The following PSMB1 variants were observed in gnomAD, a reference collection of about 807,000 sequenced individuals.
PSMB1 encodes the protein proteasome 20S subunit beta 1.
A neutral mutation model predicts 25.4 loss-of-function variants in PSMB1; 7 were observed. The ratio of observed to expected loss-of-function variants is 0.28; its 90% CI spans 0.16 to 0.52. PSMB1 has a LOEUF of 0.52. Among genes scored for constraint, PSMB1 ranks in the 20% least tolerant of loss-of-function variants. The pLI is 0.97. For synonymous variants in PSMB1, 119 were observed against 115.0 expected, an observed-to-expected ratio of 1.03 and a Z score of -0.22; for missense variants, 284 against 302.2, an observed-to-expected ratio of 0.94 and a Z score of 0.45.
At chr6:170,536,512 T>A (rs1013865698) in intron 5 of PSMB1, 2 of 456,108 alleles carry the variant, frequency 4.4e-6, no homozygotes, top group Non-Finnish European at 4.4e-6. Context: ...TACTGTAGAT[T>A]GAGGTCTGCA....
intron 1 of PSMB1, among the ~76,000 whole-genome samples, chr6:170,551,207 G>A (rs763777038): frequency 2.6e-5 from 4 of 152,160 alleles, no homozygotes; most frequent in Non-Finnish European, 5.9e-5. Context: ...TGTTTTGCTA[G>A]CTGTCTTGAG....
intron 3 of PSMB1, among the ~76,000 whole-genome samples, chr6:170,544,073 G>C (rs1328802854): frequency 2.0e-5 from 3 of 152,136 alleles, no homozygotes; most frequent in Non-Finnish European, 4.4e-5. Context: ...TAGACCAGGG[G>C]TCAACAAACT....
intron 4 of PSMB1, among the ~76,000 whole-genome samples, chr6:170,539,624 G>A (rs1044721731): frequency 3.3e-5 from 5 of 152,124 alleles, no homozygotes; most frequent in Admixed American, 6.5e-5. Context: ...ATACTGGGAA[G>A]GTTATATAAA....
chr6:170,541,967 T>C (rs945640106), intron 4 of PSMB1, among the ~76,000 whole-genome samples: 3 of 152,208 alleles, frequency 2.0e-5, no homozygotes, highest in Admixed American at 1.3e-4. Flanking sequence ...TCTATTAATC[T>C]GACATTAAAG....
chr6:170,548,515 G>C (rs1320456575), intron 2 of PSMB1, among the ~76,000 whole-genome samples: 2 of 151,700 alleles, frequency 1.3e-5, no homozygotes, highest in Non-Finnish European at 2.9e-5. Context: ...AAAAAAAAAA[G>C]TGTGGGGAGG....
At chr6:170,540,933 A>G (rs993310286) in intron 4 of PSMB1, among the ~76,000 whole-genome samples, 1 of 152,106 alleles carries the variant, frequency 6.6e-6, no homozygotes, top group Non-Finnish European at 1.5e-5. Flanking sequence ...GCAGAGGGGT[A>G]GGGGAGGAGG....
At chr6:170,539,176 A>G (rs1252386704) in intron 4 of PSMB1, among the ~76,000 whole-genome samples, 2 of 152,262 alleles carry the variant, frequency 1.3e-5, no homozygotes, top group African/African-American at 4.8e-5. Flanking sequence ...AGTAAAATCC[A>G]AAAAGCACAA....
At chr6:170,550,877 C>T (rs1160451842) in intron 1 of PSMB1, among the ~76,000 whole-genome samples, 1 of 139,550 alleles carries the variant, frequency 7.2e-6, no homozygotes, top group African/African-American at 2.8e-5. Flanking sequence ...TGGCTCACAC[C>T]TGTAATCCCA....
intron 1 of PSMB1, chr6:170,549,644 A>G (rs1293777951): frequency 6.6e-6 from 1 of 152,232 alleles, no homozygotes; most frequent in Non-Finnish European, 1.5e-5. Context: ...TGGCTGTACA[A>G]TTTGACAGCT....
rs543823264 is a variant in PSMB1 at position 170,544,387 on chromosome 6, A to T, written c.304-657T>A. 2.0e-5 allele frequency among the ~76,000 whole-genome samples: 3 copies of T among 152,304 alleles called. No individual in the cohort carries two copies. In the South Asian group the frequency reaches 6.2e-4, roughly 32 times the overall value. On this transcript the variant is annotated intron_variant, in intron 3 of 5. Transcript: ENST00000262193. ...AACATCTACAGTAGAGAACACAAGCATCCAAAACAGGGTCTTAGCATGACA... is the reference window on the plus strand; with the variant it reads ...AACATCTACAGTAGAGAACACAAGCTTCCAAAACAGGGTCTTAGCATGACA...
chr6:170,548,616 T>G (rs958285028), intron 2 of PSMB1, among the ~76,000 whole-genome samples: 3 of 152,206 alleles, frequency 2.0e-5, no homozygotes, highest in African/African-American at 7.2e-5. Context: ...ATTGCCATTG[T>G]GATGGTACTG....
intron 1 of PSMB1, among the ~76,000 whole-genome samples, chr6:170,550,859 G>A (rs1304480774): frequency 2.1e-5 from 3 of 145,852 alleles, no homozygotes; most frequent in Admixed American, 1.4e-4. Context: ...AGAGGAGGCC[G>A]GGCACGGTGG....
intron 4 of PSMB1, among the ~76,000 whole-genome samples, chr6:170,537,819 A>G (rs1488828768): frequency 6.6e-6 from 1 of 152,182 alleles, no homozygotes; most frequent in Non-Finnish European, 1.5e-5. Context: ...GAACACAGAG[A>G]GAGATGGTGA....
intron 3 of PSMB1, among the ~76,000 whole-genome samples, chr6:170,545,391 T>C (rs1178703410): frequency 6.6e-6 from 1 of 152,216 alleles, no homozygotes; most frequent in Non-Finnish European, 1.5e-5. Flanking sequence ...TGGCTTTCAA[T>C]GTAAGTTTCT....
At chr6:170,543,822 T>C (rs893852871) in intron 3 of PSMB1, 92 bp from the exon 4 acceptor site, 1 of 1,206,878 alleles carries the variant, frequency 8.3e-7, no homozygotes, top group Non-Finnish European at 1.1e-6. Flanking sequence ...AATAAATGCA[T>C]ACCACAGTGG....
At chr6:170,536,619 C>T in intron 5 of PSMB1, 2 of 372,168 alleles carry the variant, frequency 5.4e-6, no homozygotes, top group Admixed American at 7.1e-5. Context: ...AATGTATTTT[C>T]TCTTCCTATA....
At chr6:170,542,351 A>T (rs1432742347) in intron 4 of PSMB1, among the ~76,000 whole-genome samples, 2 of 152,094 alleles carry the variant, frequency 1.3e-5, no homozygotes, top group African/African-American at 4.8e-5. Flanking sequence ...CTTTCCTCTT[A>T]GAATTTTCCC....
At chr6:170,551,803 G>C (rs1363613737) in intron 1 of PSMB1, among the ~76,000 whole-genome samples, 1 of 152,182 alleles carries the variant, frequency 6.6e-6, no homozygotes, top group Non-Finnish European at 1.5e-5. Flanking sequence ...ATAACCCTAG[G>C]ATGCTAATAT....
intron 3 of PSMB1, among the ~76,000 whole-genome samples, chr6:170,544,054 C>G (rs923112266): frequency 6.6e-6 from 1 of 152,184 alleles, no homozygotes; most frequent in Non-Finnish European, 1.5e-5. Context: ...CTCTCCCTCA[C>G]TCTGCATATA....
Sources: gnomAD v4.1 joint callset for allele counts (sites outside exome capture counted in the v4.1 genomes callset) on GRCh38, gnomAD v4.1.1 for gene constraint, MANE v1.5 for transcripts, NCBI Gene and HGNC (gene_info 2026-07-23, HGNC 2026-07-21) for gene names.